Variants in ACOT12 observed in about 807,000 individuals in gnomAD.
ACOT12 encodes the protein acyl-CoA thioesterase 12.
Under a neutral mutation model 67.7 loss-of-function variants are expected in ACOT12, and 51 were observed. That is an observed-to-expected ratio of 0.75 (90% CI 0.60 to 0.95). The LOEUF is 0.95. ACOT12 is among the 40% of genes least tolerant of loss of function. The pLI is 0.00. For synonymous variants in ACOT12, 251 were observed against 244.6 expected (o/e 1.03, Z -0.24); for missense variants, 734 against 708.1 (o/e 1.04, Z -0.41).
intron 2 of ACOT12, among the ~76,000 whole-genome samples, chr5:81,377,257 C>T (rs1179318900): frequency 1.3e-5 from 2 of 152,126 alleles, no homozygotes; most frequent in Admixed American, 6.6e-5. Flanking sequence ...TGTCTCAATA[C>T]ATGCAGAAAA....
chr5:81,378,990 A>G (rs1760499712), intron 2 of ACOT12, among the ~76,000 whole-genome samples: 1 of 152,202 alleles, frequency 6.6e-6, no homozygotes, highest in Non-Finnish European at 1.5e-5. Context: ...TTATATACCC[A>G]AAGGATTATA....
chr5:81,378,873 T>C (rs1580589417), intron 2 of ACOT12, among the ~76,000 whole-genome samples: 5 of 152,060 alleles, frequency 3.3e-5, no homozygotes, highest in Admixed American at 3.3e-4. Flanking sequence ...CGCTTTTACA[T>C]TGTTGGTGGG....
intron 3 of ACOT12, among the ~76,000 whole-genome samples, chr5:81,369,590 T>C (rs1174388098): frequency 6.6e-6 from 1 of 152,196 alleles, no homozygotes; most frequent in African/African-American, 2.4e-5. Context: ...AGAACAAAAT[T>C]CTGCACGGCG....
At chr5:81,357,400 A>G (rs1335369531) in intron 5 of ACOT12, among the ~76,000 whole-genome samples, 6 of 152,156 alleles carry the variant, frequency 3.9e-5, no homozygotes, top group Non-Finnish European at 7.4e-5. Context: ...GAACTGTTGG[A>G]AGGAACTACC....
At chr5:81,319,575 G>A in the ACOT12 span, among the ~76,000 whole-genome samples, 1 of 152,088 alleles carries the variant, frequency 6.6e-6, no homozygotes, top group Non-Finnish European at 1.5e-5. Flanking sequence ...AAATTAGCTG[G>A]GCGTTGTGGT....
chr5:81,372,242 T>C (rs752711546), intron 2 of ACOT12, among the ~76,000 whole-genome samples: 4 of 152,192 alleles, frequency 2.6e-5, no homozygotes, highest in Non-Finnish European at 4.4e-5. Flanking sequence ...TCAGCTTCAG[T>C]AGGTTTGTAT....
At chr5:81,311,194 C>G in the ACOT12 span, 1 of 1,613,952 alleles carries the variant, frequency 6.2e-7, no homozygotes. Context: ...TATTCAGTGG[C>G]TTTGCTCTTT....
At chr5:81,376,232 A>T (rs1286892250) in intron 2 of ACOT12, among the ~76,000 whole-genome samples, 1 of 152,104 alleles carries the variant, frequency 6.6e-6, no homozygotes, top group East Asian at 1.9e-4. Flanking sequence ...CCTGCTCCTG[A>T]ATGACTACTG....
the ACOT12 span, among the ~76,000 whole-genome samples, chr5:81,320,460 G>A: frequency 1.3e-5 from 2 of 152,142 alleles, no homozygotes; most frequent in African/African-American, 4.8e-5. Context: ...TGGGTGGCAG[G>A]GGAGAAAAAT....
chr5:81,319,729 AAG>A, the ACOT12 span, among the ~76,000 whole-genome samples: 1 of 151,918 alleles, frequency 6.6e-6, no homozygotes. Flanking sequence ...AAAAAAAAAA[AAG>A]AAACCCATAC....
At chr5:81,376,567 C>A (rs567687054) in intron 2 of ACOT12, among the ~76,000 whole-genome samples, 1 of 151,424 alleles carries the variant, frequency 6.6e-6, no homozygotes, top group Non-Finnish European at 1.5e-5. Context: ...TTTCTGAAAA[C>A]GTCAGCAAAT....
At chr5:81,389,233 G>T (rs1022021970) in intron 1 of ACOT12, among the ~76,000 whole-genome samples, 3 of 152,316 alleles carry the variant, frequency 2.0e-5, no homozygotes, top group African/African-American at 7.2e-5. Context: ...AAAGGTCCTG[G>T]TGACTGCAAT....
chr5:81,377,635 A>C (rs929366070), intron 2 of ACOT12, among the ~76,000 whole-genome samples: 6 of 152,380 alleles, frequency 3.9e-5, no homozygotes, highest in Non-Finnish European at 7.3e-5. Context: ...AAGCAACTTC[A>C]GCAAAGTCTC....
chr5:81,386,648 T>C (rs2153859978), intron 1 of ACOT12, among the ~76,000 whole-genome samples: 1 of 152,310 alleles, frequency 6.6e-6, no homozygotes, highest in South Asian at 2.1e-4. Flanking sequence ...ATAAGAACTT[T>C]TGACCTCATT....
intron 12 of ACOT12, among the ~76,000 whole-genome samples, chr5:81,334,435 G>A (rs1028442120): frequency 1.1e-4 from 17 of 152,180 alleles, no homozygotes; most frequent in Non-Finnish European, 2.1e-4. Context: ...CGACTTAAGC[G>A]TCTGCATGAT....
At chr5:81,358,846 T>A (rs1759807585) in intron 5 of ACOT12, among the ~76,000 whole-genome samples, 1 of 141,608 alleles carries the variant, frequency 7.1e-6, no homozygotes, top group Non-Finnish European at 1.5e-5. Context: ...CGAAACTCTG[T>A]CTCAAAGAAA....
downstream of ACOT12, among the ~76,000 whole-genome samples, chr5:81,326,253 TA>T (rs1758674392): frequency 1.3e-5 from 2 of 150,214 alleles, no homozygotes; most frequent in Admixed American, 6.7e-5. Flanking sequence ...GCCTTGTGAG[TA>T]GCTGGGATTA....
intron 1 of ACOT12, among the ~76,000 whole-genome samples, chr5:81,392,947 A>G (rs920422083): frequency 6.6e-6 from 1 of 152,210 alleles, no homozygotes; most frequent in African/African-American, 2.4e-5. Flanking sequence ...CATTAATTGT[A>G]TGGGACCAGG....
Position 81,332,529 on chromosome 5 carries a change from T to G in ACOT12, c.1339A>C (p.Lys447Gln), listed in dbSNP as rs143972820. ...ACGAGTACTACCAAGTCTTTGGGTT[T>G]GTCATCATTCAGTATAGGACAGGTG... ...HITCPILNDD[K>Q]PKDLVVLVSR... is the part of the protein sequence containing the mutation. Residue 447 changes from lysine (K) to glutamine (Q), a missense_variant, in exon 13 of 15, where the codon AAA (lysine) becomes CAA (glutamine). Coordinates refer to ENST00000307624, the MANE Select transcript of ACOT12 (RefSeq NM_130767.3). 7.0e-4 allele frequency: 1,124 copies of G among 1,614,150 alleles called. 2 individuals carry two copies. The highest frequency in any genetic ancestry group is 8.8e-4 in the Non-Finnish European group (1,043 of 1,180,016).
Sources: allele counts gnomAD v4.1 joint callset (sites outside exome capture counted in the v4.1 genomes callset), GRCh38; gene constraint gnomAD v4.1.1; transcripts MANE v1.5; gene names NCBI Gene and HGNC (gene_info 2026-07-23, HGNC 2026-07-21).